CRTAC1: variants seen among roughly 807,000 people sequenced by gnomAD.
The protein encoded by CRTAC1 is acidic secreted protein in cartilage.
CRTAC1 carries 37 observed loss-of-function variants against 67.8 expected under a neutral mutation model. That is an observed-to-expected ratio of 0.55 (90% CI 0.42 to 0.72). The LOEUF (loss-of-function observed/expected upper bound fraction) is 0.72, where lower values mean the gene tolerates loss of function less well. Ranked by LOEUF, CRTAC1 falls within the 30% of genes least tolerant of loss-of-function variation. The pLI, the probability that CRTAC1 is intolerant of heterozygous loss-of-function variation, is 0.00. For synonymous variants in CRTAC1, 348 were observed against 371.0 expected (o/e 0.94, Z 0.71); for missense variants, 780 against 931.6 (o/e 0.84, Z 2.12).
chr10:97,971,665 T>C (rs2051714928), intron 2 of CRTAC1, among the ~76,000 whole-genome samples: 1 of 152,250 alleles, frequency 6.6e-6, no homozygotes, highest in Non-Finnish European at 1.5e-5. Context: ...GAATTTTATG[T>C]TATGCATAGT....
chr10:97,995,777 A>G (rs1486379457), intron 2 of CRTAC1, among the ~76,000 whole-genome samples: 1 of 152,192 alleles, frequency 6.6e-6, no homozygotes, highest in Non-Finnish European at 1.5e-5. Flanking sequence ...AGAACCCTAC[A>G]TTAAGCCGGG....
intron 2 of CRTAC1, among the ~76,000 whole-genome samples, chr10:97,994,503 T>A (rs1293136641): frequency 6.6e-6 from 1 of 152,142 alleles, no homozygotes; most frequent in East Asian, 1.9e-4. Flanking sequence ...TGCCAGGGTG[T>A]TCCCAGAACT....
At chr10:97,910,786 G>C (rs1407643896) in intron 5 of CRTAC1, among the ~76,000 whole-genome samples, 1 of 152,224 alleles carries the variant, frequency 6.6e-6, no homozygotes. Flanking sequence ...AGGCCAGGGA[G>C]ATGAGGTGGG....
chr10:98,024,616 A>G (rs990173776), intron 1 of CRTAC1, among the ~76,000 whole-genome samples: 1 of 152,232 alleles, frequency 6.6e-6, no homozygotes, highest in African/African-American at 2.4e-5. Context: ...AATTTTTCCA[A>G]GAAGTAAACG....
At chr10:97,967,090 T>C (rs2051630683) in intron 2 of CRTAC1, among the ~76,000 whole-genome samples, 1 of 150,550 alleles carries the variant, frequency 6.6e-6, no homozygotes, top group Non-Finnish European at 1.5e-5. Context: ...TCTGGGGTGG[T>C]GTATCGACAT....
chr10:98,016,464 G>C (rs2136700059), intron 1 of CRTAC1, among the ~76,000 whole-genome samples: 1 of 152,322 alleles, frequency 6.6e-6, no homozygotes, highest in Middle Eastern at 3.4e-3. Flanking sequence ...AATCACCTGA[G>C]GGTCATGTTG....
chr10:98,002,244 C>T (rs1842704069), intron 2 of CRTAC1, among the ~76,000 whole-genome samples: 1 of 152,194 alleles, frequency 6.6e-6, no homozygotes, highest in Non-Finnish European at 1.5e-5. Flanking sequence ...CCGTTTTCAG[C>T]AGAGGCATTT....
At chr10:97,982,470 A>G (rs2051906869) in intron 2 of CRTAC1, among the ~76,000 whole-genome samples, 12 of 152,226 alleles carry the variant, frequency 7.9e-5, no homozygotes, top group Admixed American at 2.6e-4. Context: ...ATCTAATCAA[A>G]TCTAATCATC....
intron 1 of CRTAC1, among the ~76,000 whole-genome samples, chr10:98,027,727 A>G (rs531703224): frequency 6.6e-6 from 1 of 152,372 alleles, no homozygotes; most frequent in South Asian, 2.1e-4. Context: ...TCTGAAAAAC[A>G]GATTCAAAAT....
In CRTAC1 at chr10:97,908,125, G is replaced by A. The variant is rs2050639468; in HGVS notation, c.738C>T (p.Gly246=). 2.5e-6 allele frequency: 4 copies of A among 1,614,022 alleles called. No individual in the cohort carries two copies. The highest frequency in any genetic ancestry group is 2.5e-6 in the Non-Finnish European group (3 of 1,180,012). The change falls in exon 6 of 15, where the codon GGC becomes GGT. Residue 246 remains glycine, a synonymous_variant. Coordinates refer to ENST00000370597, the MANE Select transcript of CRTAC1 (RefSeq NM_018058.7). ...CCGAGGCACTGCTGCTGAGGATGGG[G>A]CCCACGCTGACGCCTCGGCCCCCTA... The part of the protein sequence containing the change: ...KYTGGRGVSV[G]PILSSSASDI...
chr10:97,964,557 C>T (rs761268362), intron 2 of CRTAC1, among the ~76,000 whole-genome samples: 8 of 152,118 alleles, frequency 5.3e-5, no homozygotes, highest in Admixed American at 4.6e-4. Flanking sequence ...GCTGTTGGCA[C>T]GTAAGAAACA....
At position 97,904,693 on chromosome 10, in the gene CRTAC1, G is replaced by A; in HGVS notation, c.972C>T (p.Ser324=). The A allele has an allele frequency of 6.3e-7, 1 of 1,586,592 alleles. No homozygotes were observed. The highest frequency in any genetic ancestry group is 8.6e-7 in the Non-Finnish European group (1 of 1,168,642). ...NGPHRLYLQM[S]THGKVRFRDI... is the part of the protein sequence containing the mutation. ...CCCGGAAGCGGACCTTCCCATGGGT[G>A]CTCATTTGCAGATAGAGGCGGTGGG... Residue 324 remains serine (S), a synonymous_variant, in exon 7 of 15, where the codon AGC becomes AGT. Coordinates refer to ENST00000370597, the MANE Select transcript of CRTAC1 (RefSeq NM_018058.7).
chr10:97,878,774 T>C (rs1407744177), intron 14 of CRTAC1: 4 of 1,187,402 alleles, frequency 3.4e-6, no homozygotes, highest in Admixed American at 5.7e-5. Flanking sequence ...CCCTTAGGGA[T>C]ATACCAGCCC....
intron 2 of CRTAC1, among the ~76,000 whole-genome samples, chr10:97,958,716 C>T (rs543625987): frequency 6.6e-6 from 1 of 152,272 alleles, no homozygotes; most frequent in Non-Finnish European, 1.5e-5. Flanking sequence ...GGCCAACCAG[C>T]AAGGTTATAA....
At chr10:97,965,253 C>G (rs1242104194) in intron 2 of CRTAC1, among the ~76,000 whole-genome samples, 2 of 152,186 alleles carry the variant, frequency 1.3e-5, no homozygotes, top group Admixed American at 6.5e-5. Flanking sequence ...TTGTATAGAA[C>G]TCTCTGTGTG....
At chr10:97,902,069 C>G (rs1459421565) in intron 7 of CRTAC1, among the ~76,000 whole-genome samples, 1 of 152,144 alleles carries the variant, frequency 6.6e-6, no homozygotes, top group Admixed American at 6.5e-5. Flanking sequence ...TCCTAGGCAC[C>G]CTTCCTCCTC....
intron 2 of CRTAC1, among the ~76,000 whole-genome samples, chr10:97,948,982 G>A (rs75705569): frequency 0.013 from 1,956 of 152,212 alleles, 47 homozygotes; most frequent in African/African-American, 0.043. Flanking sequence ...GGTAACTACC[G>A]CCCCATGATT....
rs1039328387 is a variant in CRTAC1 at position 98,023,360 on chromosome 10, C to T, written c.24+7089G>A. ...GGAGATCAAATCGAATACCAAGGGT[C>T]ACCTCTGCCCCAGAATGGCCACCAA... is the stretch of plus-strand genomic sequence containing the variant. On this transcript the variant is annotated intron_variant, in intron 1 of 14. Coordinates refer to ENST00000370597, the MANE Select transcript of CRTAC1 (RefSeq NM_018058.7). 2.0e-5 allele frequency among the ~76,000 whole-genome samples: 3 copies of T among 152,180 alleles called. No individual in the cohort carries two copies. The East Asian group carries it at 5.8e-4, about 29-fold the overall frequency.
chr10:97,918,369 A>T (rs952393172), intron 4 of CRTAC1, among the ~76,000 whole-genome samples: 13 of 152,180 alleles, frequency 8.5e-5, no homozygotes, highest in Non-Finnish European at 1.5e-5. Context: ...AGTCCAAAAC[A>T]CTGCTGATGA....
Sources: allele counts gnomAD v4.1 joint callset (sites outside exome capture counted in the v4.1 genomes callset), GRCh38; gene constraint gnomAD v4.1.1; transcripts MANE v1.5; gene names NCBI Gene and HGNC (gene_info 2026-07-23, HGNC 2026-07-21).